The following MTMR8 variants were observed in gnomAD, a reference collection of about 807,000 sequenced individuals.
MTMR8 encodes the protein myotubularin related protein 8, also known as phosphatidylinositol-3,5-bisphosphate 3-phosphatase MTMR8.
MTMR8 carries 65 observed loss-of-function variants against 39.3 expected under a neutral mutation model. The ratio of observed to expected loss-of-function variants is 1.65; its 90% CI spans 1.35 to 2.03. MTMR8 has a LOEUF of 2.03. MTMR8 is among the 30% of genes most tolerant of loss of function. The pLI is 0.00. For synonymous variants in MTMR8, 245 were observed against 185.2 expected, an observed-to-expected ratio of 1.32 and a Z score of -2.62; for missense variants, 777 against 538.9, an observed-to-expected ratio of 1.44 and a Z score of -4.37.
intron 12 of MTMR8, among the ~76,000 whole-genome samples, chrX:64,317,282 C>T: frequency 9.0e-6 from 1 of 110,998 alleles, no homozygotes; most frequent in Non-Finnish European, 1.9e-5. Flanking sequence ...TATTTGAGTG[C>T]TTTTTGAGGT....
At chrX:64,386,630 A>T (rs73526321) in intron 1 of MTMR8, among the ~76,000 whole-genome samples, 9,304 of 111,865 alleles carry the variant, frequency 0.083, 1,002 homozygotes, top group African/African-American at 0.29. Flanking sequence ...CATGGGTATA[A>T]ACCATTTCCT....
In MTMR8 at chrX:64,350,072, TA is replaced by T; in HGVS notation, c.469-3del. ...TTCAGGAGGGTAGGTGCTGCATATC[TA>T]AAAGAAAATAAGCACAATATATATA... On this transcript the variant is annotated splice_region_variant and splice_polypyrimidine_tract_variant and intron_variant, in intron 4 of 13. Coordinates refer to ENST00000374852, the MANE Select transcript of MTMR8 (RefSeq NM_017677.4). 1 of 1,079,527 alleles carries T rather than the reference TA, an allele frequency of 9.3e-7. No individual in the cohort carries two copies. Among genetic ancestry groups the T allele is most frequent in the Non-Finnish European group, 1.2e-6 (1 of 809,930 alleles). The allele number at this position is 1,079,527 out of a possible 1,213,427, so 89.0% of individuals were successfully genotyped here.
At chrX:64,347,738 T>C (rs768908207) in intron 6 of MTMR8, among the ~76,000 whole-genome samples, 28 of 112,606 alleles carry the variant, frequency 2.5e-4, no homozygotes, top group Admixed American at 9.4e-4. Flanking sequence ...GGGCTGTTTG[T>C]AAAAAGGACA....
chrX:64,364,020 G>A (rs1452774543), intron 1 of MTMR8, among the ~76,000 whole-genome samples: 1 of 112,605 alleles, frequency 8.9e-6, no homozygotes, highest in Non-Finnish European at 1.9e-5. Context: ...CTGCAAGGCA[G>A]CAGCCTGGCA....
chrX:64,269,644 C>T (rs1366856656), intron 13 of MTMR8, among the ~76,000 whole-genome samples: 1 of 111,009 alleles, frequency 9.0e-6, no homozygotes, highest in Non-Finnish European at 1.9e-5. Context: ...CATACGTCCC[C>T]ATTGAAAATC....
At chrX:64,343,190 A>G (rs1923261778) in intron 8 of MTMR8, among the ~76,000 whole-genome samples, 6 of 112,237 alleles carry the variant, frequency 5.3e-5, no homozygotes, top group Admixed American at 4.7e-4. Context: ...ACACAAAAAT[A>G]TATCACAGAA....
chrX:64,273,885 G>A (rs1038555863), intron 12 of MTMR8, among the ~76,000 whole-genome samples: 1 of 111,282 alleles, frequency 9.0e-6, no homozygotes, highest in Non-Finnish European at 1.9e-5. Context: ...AATGACGAAA[G>A]GATCAATACA....
intron 12 of MTMR8, among the ~76,000 whole-genome samples, chrX:64,327,117 G>C (rs1470460385): frequency 1.8e-5 from 2 of 111,547 alleles, no homozygotes; most frequent in Non-Finnish European, 1.9e-5. Context: ...CATAATATTG[G>C]ACTAGGCAAC....
At chrX:64,371,426 A>G (rs1924128860) in intron 1 of MTMR8, among the ~76,000 whole-genome samples, 1 of 112,042 alleles carries the variant, frequency 8.9e-6, no homozygotes, top group African/African-American at 3.2e-5. Flanking sequence ...TTGTGGTAAA[A>G]CTGGTATGCT....
rs1312587293 is a variant in MTMR8 at position 64,364,800 on chromosome X, T to G, written c.25-5273A>C. On this transcript the variant is annotated intron_variant, in intron 1 of 13. Transcript: ENST00000374852. ...ACAGAAGTAGGCATCAGAAGGTCAGTAATAAACTTCTACGAGCTAAAGAAG... is the reference window on the plus strand; with the variant it reads ...ACAGAAGTAGGCATCAGAAGGTCAGGAATAAACTTCTACGAGCTAAAGAAG... 5.4e-5 allele frequency among the ~76,000 whole-genome samples: 6 copies of G among 111,584 alleles called. No homozygotes were observed. The East Asian group carries it at 1.7e-3, about 32-fold the overall frequency.
At chrX:64,375,808 C>T (rs1057054338) in intron 1 of MTMR8, among the ~76,000 whole-genome samples, 10 of 111,553 alleles carry the variant, frequency 9.0e-5, no homozygotes, top group African/African-American at 1.3e-4. Flanking sequence ...TCTCACTGAG[C>T]GATATGGTTT....
intron 4 of MTMR8, 107 bp downstream of exon 4, chrX:64,354,670 G>A: frequency 1.4e-5 from 11 of 797,460 alleles, no homozygotes; most frequent in Non-Finnish European, 2.0e-5. Context: ...GAATGGAAAG[G>A]AGAGAGAGAT....
At chrX:64,297,025 A>T (rs1400750491) in intron 12 of MTMR8, among the ~76,000 whole-genome samples, 1 of 96,454 alleles carries the variant, frequency 1.0e-5, no homozygotes, top group Admixed American at 1.2e-4. Context: ...ATTGTGAATA[A>T]TGCCGCAATA....
At position 64,288,581 on chromosome X, in the gene MTMR8, C is replaced by T. The variant is rs184753198; in HGVS notation, c.1482-17508G>A. 2.4e-3 allele frequency among the ~76,000 whole-genome samples: 270 copies of T among 111,542 alleles called. 1 individual carries two copies. The highest frequency in any genetic ancestry group is 8.3e-3 in the African/African-American group (256 of 30,749). On this transcript the variant is annotated intron_variant, in intron 12 of 13. Transcript: ENST00000374852. ...GACACATGCAAACATATGTTTATTG[C>T]GTCACTACTCACAATAGCAAAGACT... is the stretch of plus-strand genomic sequence containing the variant.
chrX:64,307,668 G>T (rs186126865), intron 12 of MTMR8, among the ~76,000 whole-genome samples: 158 of 111,372 alleles, frequency 1.4e-3, no homozygotes, highest in African/African-American at 4.8e-3. Context: ...AATTGTCTTA[G>T]CTATTCTACC....
intron 4 of MTMR8, among the ~76,000 whole-genome samples, chrX:64,352,065 G>T (rs1178487178): frequency 1.8e-5 from 2 of 111,798 alleles, no homozygotes; most frequent in Admixed American, 9.5e-5. Context: ...AAAACTGTTT[G>T]TACAAACAAT....
chrX:64,360,709 G>GA (rs2147235012), intron 1 of MTMR8, among the ~76,000 whole-genome samples: 1 of 111,184 alleles, frequency 9.0e-6, no homozygotes, highest in South Asian at 3.6e-4. Flanking sequence ...GGGTTAAAAA[G>GA]AAAAAGGAAA....
chrX:64,359,573 C>T, intron 1 of MTMR8, 46 bp from the exon 2 acceptor site: 2 of 1,149,964 alleles, frequency 1.7e-6, no homozygotes, highest in African/African-American at 1.8e-5. Context: ...AACTCACCAC[C>T]TATGATTGAA....
At chrX:64,344,864 T>C (rs1488684235) in intron 7 of MTMR8, among the ~76,000 whole-genome samples, 181 bp downstream of exon 7, 1 of 111,721 alleles carries the variant, frequency 9.0e-6, no homozygotes, top group African/African-American at 3.3e-5. Context: ...CTTTTCCAGA[T>C]CAACACTGCT....
Sources: allele counts gnomAD v4.1 joint callset (sites outside exome capture counted in the v4.1 genomes callset), GRCh38; gene constraint gnomAD v4.1.1; transcripts MANE v1.5; gene names NCBI Gene and HGNC (gene_info 2026-07-23, HGNC 2026-07-21).